The following FGFR3 variants were observed in gnomAD, a reference collection of about 807,000 sequenced individuals.
FGFR3 encodes the protein FGFR-3.
A neutral mutation model predicts 82.9 loss-of-function variants in FGFR3; 25 were observed. The observed-to-expected ratio is 0.30, with a 90% confidence interval of 0.22 to 0.42. The LOEUF (loss-of-function observed/expected upper bound fraction) is 0.42, where lower values mean the gene tolerates loss of function less well. Among genes scored for constraint, FGFR3 ranks in the 10% least tolerant of loss-of-function variants. The pLI is 1.00. For missense variants in FGFR3, 1,026 were observed against 1,161.0 expected (o/e 0.88, Z 1.69); for synonymous variants, 620 against 516.0 (o/e 1.20, Z -2.73).
Position 1,807,400 on chromosome 4 carries a change from C to CGTGTGT in FGFR3, c.*152_*157dup. On this transcript the variant is annotated 3_prime_UTR_variant, in exon 18 of 18. Coordinates refer to ENST00000440486, the MANE Select transcript of FGFR3 (RefSeq NM_000142.5). ...GCTTTGGTCTGTGTGTGTGTGTGTG[C>CGTGTGT]GTGTGTGTGTGTGTGTGTGCACATC... The CGTGTGT allele has an allele frequency of 1.1e-6, 1 of 885,920 alleles. No homozygotes were observed. The highest frequency in any genetic ancestry group is 1.7e-6 in the Non-Finnish European group (1 of 572,660). The allele number at this position is 885,920 out of a possible 1,614,324, so 54.9% of individuals were successfully genotyped here.
In FGFR3 at chr4:1,802,042, A is replaced by T. The variant is rs981397259; in HGVS notation, c.930+17A>T. Reference sequence around the variant, plus strand: ...GTGCTCAAGGTGGGCCACCGTGTGCACGTGGGTGCCGCCGCTGGGGCTCCT... The same window carrying T: ...GTGCTCAAGGTGGGCCACCGTGTGCTCGTGGGTGCCGCCGCTGGGGCTCCT... On this transcript the variant is annotated intron_variant, in intron 7 of 17. Transcript: ENST00000440486. 1.2e-6 allele frequency: 2 copies of T among 1,606,126 alleles called. No homozygotes were observed. Among genetic ancestry groups the T allele is most frequent in the Non-Finnish European group, 1.7e-6 (2 of 1,176,598 alleles).
At chr4:1,804,145 C>T (rs1400497753) in intron 8 of FGFR3, among the ~76,000 whole-genome samples, 185 bp from the exon 9 acceptor site, 3 of 152,242 alleles carry the variant, frequency 2.0e-5, no homozygotes, top group African/African-American at 2.4e-5. Context: ...GGCTCCTTCT[C>T]TCCAGGGTCT....
At chr4:1,793,805 C>CT in intron 1 of FGFR3, 28 bp from the exon 2 acceptor site, 1 of 173,496 alleles carries the variant, frequency 5.8e-6, no homozygotes. Flanking sequence ...GTCCGCCCCT[C>CT]TAACGAGCTG....
In FGFR3 at chr4:1,805,351, C is replaced by T. The variant is rs2108802010; in HGVS notation, c.1413-4C>T. 1.2e-6 allele frequency: 2 copies of T among 1,611,374 alleles called. No individual in the cohort carries two copies. The highest frequency in any genetic ancestry group is 1.7e-6 in the Non-Finnish European group (2 of 1,179,876). ...ACTCATGGTCCCTCTGCCTCCACTG[C>T]CAGGCTGACCCTGGGCAAGCCCCTT... On this transcript the variant is annotated splice_polypyrimidine_tract_variant and splice_region_variant and intron_variant, in intron 10 of 17. Transcript: ENST00000440486.
Position 1,805,673 on chromosome 4 carries a change from G to C in FGFR3, c.1645+4G>C, listed in dbSNP as rs1367336734. The stretch of plus-strand genomic sequence containing the variant: ...CTGGGCGCCTGCACGCAGGGCGGTA[G>C]GTGCGGTAGCGGCGGTGGTGCCGGC... On this transcript the variant is annotated splice_donor_region_variant and intron_variant, in intron 12 of 17. Coordinates refer to ENST00000440486, the MANE Select transcript of FGFR3 (RefSeq NM_000142.5). The C allele has an allele frequency of 7.4e-6, 12 of 1,612,072 alleles. No homozygotes were observed. The highest frequency in any genetic ancestry group is 1.6e-4 in the Middle Eastern group (1 of 6,082).
chr4:1,805,225 G>C, intron 10 of FGFR3, 130 bp from the exon 11 acceptor site: 1 of 1,517,766 alleles, frequency 6.6e-7, no homozygotes, highest in South Asian at 1.2e-5. Flanking sequence ...AGGCTGTAGG[G>C]GGAGCATGGA....
rs972372846 is a variant in FGFR3, at chr4:1,807,990, T to G, written c.*728T>G. On this transcript the variant is annotated 3_prime_UTR_variant, in exon 18 of 18. Transcript: ENST00000440486. ...GGGGCACAGGAGGCAGGCATGGCCC[T>G]GGGCGGGGCGTGGGGGGGCGTGGAG... 7.2e-5 allele frequency: 17 copies of G among 234,930 alleles called. No individual in the cohort carries two copies. Among genetic ancestry groups the G allele is most frequent in the Non-Finnish European group, 9.2e-5 (11 of 119,112 alleles). The allele number at this position is 234,930 out of a possible 1,614,324, so 14.6% of individuals were successfully genotyped here.
intron 17 of FGFR3, 62 bp from the exon 18 acceptor site, chr4:1,807,054 C>T (rs2108816333): frequency 1.3e-6 from 2 of 1,552,424 alleles, no homozygotes; most frequent in East Asian, 2.4e-5. Context: ...AGCCTGGGCA[C>T]AGAGGTGGCT....
At position 1,807,197 on chromosome 4, in the gene FGFR3, G is replaced by A. The variant is rs548817695; in HGVS notation, c.2356G>A (p.Asp786Asn). The change falls in exon 18 of 18, where the codon GAC (aspartate) becomes AAC (asparagine). Residue 786 changes from aspartate (D) to asparagine (N), a missense_variant. Coordinates refer to ENST00000440486, the MANE Select transcript of FGFR3 (RefSeq NM_000142.5). ...DTPSSSSSGD[D>N]SVFAHDLLPP... ...CCCCAGCTCCAGCTCCTCAGGGGACGACTCCGTGTTTGCCCACGACCTGCT... is the reference window on the plus strand; with the variant it reads ...CCCCAGCTCCAGCTCCTCAGGGGACAACTCCGTGTTTGCCCACGACCTGCT... The A allele has an allele frequency of 1.5e-5, 24 of 1,607,984 alleles. No homozygotes were observed. Among genetic ancestry groups the A allele is most frequent in the Admixed American group, 6.7e-5 (4 of 59,598 alleles).
intron 9 of FGFR3, 128 bp from the exon 10 acceptor site, chr4:1,804,696 C>T (rs1577286052): frequency 7.0e-7 from 1 of 1,438,464 alleles, no homozygotes; most frequent in Non-Finnish European, 9.5e-7. Context: ...ACGAAACATT[C>T]TAAAAATCTT....
intron 16 of FGFR3, 28 bp downstream of exon 16, chr4:1,806,711 G>A (rs767600430): frequency 6.2e-7 from 1 of 1,610,672 alleles, no homozygotes. Context: ...CCCTCCACTG[G>A]GTCCTCAGGG....
intron 4 of FGFR3, 117 bp downstream of exon 4, chr4:1,799,929 C>A: frequency 8.7e-7 from 1 of 1,153,124 alleles, no homozygotes; most frequent in Non-Finnish European, 1.2e-6. Flanking sequence ...CCTGGGGTCA[C>A]CCCGAAGGTC....
chr4:1,799,311 C>T lies in FGFR3; in HGVS notation c.167C>T (p.Ala56Val), dbSNP rs1444898156. ...QEQLVFGSGD[A>V]VELSCPPPGG... ...CAGTTGGTCTTCGGCAGCGGGGATG[C>T]TGTGGAGCTGAGCTGTCCCCCGCCC... Residue 56 changes from alanine (A) to valine (V), a missense_variant, in exon 3 of 18, where the codon GCT becomes GTT. Physicochemically the swap from Ala to Val is moderately conservative, Grantham distance 64 (BLOSUM62 0). This residue lies in a region of FGFR3 where 226 missense variants were observed against 222.0 expected (regional missense o/e 1.02). Coordinates refer to ENST00000440486, the MANE Select transcript of FGFR3 (RefSeq NM_000142.5). The T allele has an allele frequency of 6.2e-7, 1 of 1,612,684 alleles. No homozygotes were observed. The highest frequency in any genetic ancestry group is 8.5e-7 in the Non-Finnish European group (1 of 1,179,940).
chr4:1,800,059 G>A (rs543956548), intron 4 of FGFR3, among the ~76,000 whole-genome samples: 1 of 152,158 alleles, frequency 6.6e-6, no homozygotes, highest in Non-Finnish European at 1.5e-5. Context: ...TGAGGCACAG[G>A]GCCCTGGGGG....
In FGFR3 at chr4:1,803,753, T is replaced by C. The variant is rs757430342; in HGVS notation, c.992T>C (p.Phe331Ser). 2 of 1,614,054 alleles carry C rather than the reference T, an allele frequency of 1.2e-6. No individual in the cohort carries two copies. Among genetic ancestry groups the C allele is most frequent in the African/African-American group, 1.3e-5 (1 of 75,048 alleles). The change falls in exon 8 of 18, where the codon TTT (phenylalanine) becomes TCT (serine). Residue 331 changes from phenylalanine to serine, a missense_variant. Around this residue, in one of 9 missense-constraint regions of FGFR3, gnomAD observed 256 missense variants for 217.6 expected, o/e 1.18. Transcript: ENST00000440486. ...GTTCTCTCCTTGCACAACGTCACCTTTGAGGACGCCGGGGAGTACACCTGC... is the reference window on the plus strand; with the variant it reads ...GTTCTCTCCTTGCACAACGTCACCTCTGAGGACGCCGGGGAGTACACCTGC... Reference protein sequence around the residue: ...LEVLSLHNVTFEDAGEYTCLA... With the variant: ...LEVLSLHNVTSEDAGEYTCLA...
chr4:1,793,810 G>T, intron 1 of FGFR3, 23 bp from the exon 2 acceptor site: 1 of 175,410 alleles, frequency 5.7e-6, no homozygotes, highest in South Asian at 1.7e-4. Flanking sequence ...CCCCTCTAAC[G>T]AGCTGCCTTC....
chr4:1,796,763 G>A (rs981187162), intron 2 of FGFR3, among the ~76,000 whole-genome samples: 1 of 152,148 alleles, frequency 6.6e-6, no homozygotes, highest in Non-Finnish European at 1.5e-5. Flanking sequence ...TCAGTCTTGG[G>A]GCCAGAGACC....
chr4:1,799,646 G>T, intron 3 of FGFR3, 101 bp from the exon 4 acceptor site: 1 of 1,560,748 alleles, frequency 6.4e-7, no homozygotes. Flanking sequence ...GCACCCCCAG[G>T]AAGTGCTGCC....
chr4:1,805,584 G>A lies in FGFR3; in HGVS notation c.1560G>A (p.Ser520=), dbSNP rs776527776. The A allele has an allele frequency of 2.4e-5, 38 of 1,613,146 alleles. No individual in the cohort carries two copies. Among genetic ancestry groups the A allele is most frequent in the Non-Finnish European group, 2.8e-5 (33 of 1,179,828 alleles). Reference sequence around the variant, plus strand: ...ACGATGCCACTGACAAGGACCTGTCGGACCTGGTGTCTGAGATGGAGATGA... The same window carrying A: ...ACGATGCCACTGACAAGGACCTGTCAGACCTGGTGTCTGAGATGGAGATGA... ...LKDDATDKDL[S]DLVSEMEMMK... The change falls in exon 12 of 18, where the codon TCG becomes TCA. Residue 520 remains serine, a synonymous_variant. Coordinates refer to ENST00000440486, the MANE Select transcript of FGFR3 (RefSeq NM_000142.5).
Sources: gnomAD v4.1 joint callset for allele counts (sites outside exome capture counted in the v4.1 genomes callset) on GRCh38, gnomAD v4.1.1 for gene constraint, gnomAD v4.1.1 regional missense constraint, MANE v1.5 for transcripts, NCBI Gene and HGNC (gene_info 2026-07-23, HGNC 2026-07-21) for gene names.